PCDHA3: variants seen among roughly 807,000 people sequenced by gnomAD.
The protein encoded by PCDHA3 is protocadherin alpha 3.
A neutral mutation model predicts 62.2 loss-of-function variants in PCDHA3; 41 were observed. The observed-to-expected ratio is 0.66, with a 90% CI of 0.51 to 0.86. The LOEUF (loss-of-function observed/expected upper bound fraction) is 0.86. Ranked by LOEUF, PCDHA3 falls within the 40% of genes least tolerant of loss-of-function variation. The pLI is 0.00. For synonymous variants in PCDHA3, 640 were observed against 555.4 expected (o/e 1.15, Z -2.14); for missense variants, 1,304 against 1,241.2 (o/e 1.05, Z -0.76).
At chr5:140,876,042 AT>A in intron 1 of PCDHA3, 1 of 1,613,902 alleles carries the variant, frequency 6.2e-7, no homozygotes, top group Non-Finnish European at 8.5e-7. Flanking sequence ...ATAAAAGTAT[AT>A]TGCCTGAATT....
At chr5:140,817,727 G>A (rs1353806960) in intron 1 of PCDHA3, 3 of 151,996 alleles carry the variant, frequency 2.0e-5, no homozygotes, top group Non-Finnish European at 4.4e-5. Context: ...ACCTATATAT[G>A]TTTCTTTCTG....
At chr5:140,869,052 T>G in intron 1 of PCDHA3, 1 of 1,543,852 alleles carries the variant, frequency 6.5e-7, no homozygotes. Flanking sequence ...AACTGAAGAA[T>G]CTGGTACTGT....
At chr5:140,828,226 G>A (rs1554131112) in intron 1 of PCDHA3, 10 of 1,614,004 alleles carry the variant, frequency 6.2e-6, no homozygotes, top group Non-Finnish European at 5.1e-6. Context: ...GCACCTTCGT[G>A]GGCCGGATCG....
intron 1 of PCDHA3, chr5:140,823,390 G>C: frequency 1.9e-6 from 3 of 1,612,906 alleles, no homozygotes; most frequent in Non-Finnish European, 2.5e-6. Context: ...CGCGCGCGAC[G>C]CGGGCGTGCC....
intron 1 of PCDHA3, chr5:140,848,650 T>C (rs1343958164): frequency 6.3e-6 from 10 of 1,592,776 alleles, no homozygotes; most frequent in Non-Finnish European, 8.6e-6. Flanking sequence ...GCGCAGGACC[T>C]GGGGCTGGAG....
chr5:140,822,178 CAAG>C (rs2150114388), intron 1 of PCDHA3: 27 of 1,614,126 alleles, frequency 1.7e-5, no homozygotes, highest in Middle Eastern at 1.6e-4. Flanking sequence ...GTTCTCCAGA[CAAG>C]AACAAAGATT....
At chr5:140,870,142 C>T (rs782428763) in intron 1 of PCDHA3, 3 of 1,613,946 alleles carry the variant, frequency 1.9e-6, no homozygotes, top group South Asian at 1.1e-5. Flanking sequence ...CGATAACTCT[C>T]CTGAAGTCGC....
At chr5:140,868,908 CTTGGTG>C in intron 1 of PCDHA3, 1 of 882,188 alleles carries the variant, frequency 1.1e-6, no homozygotes, top group Non-Finnish European at 1.7e-6. Flanking sequence ...TCGCTCTTTA[CTTGGTG>C]GAAAGTTCAT....
chr5:140,959,408 A>C (rs1554224058), intron 1 of PCDHA3, among the ~76,000 whole-genome samples: 2 of 152,124 alleles, frequency 1.3e-5, no homozygotes, highest in Non-Finnish European at 1.5e-5. Context: ...TAAAGTGTTG[A>C]TTGATCTGAG....
intron 1 of PCDHA3, chr5:140,857,218 T>G: frequency 6.3e-7 from 1 of 1,598,468 alleles, no homozygotes. Context: ...CTCTGACGCC[T>G]CACGTTCCGT....
intron 1 of PCDHA3, chr5:140,927,857 G>A: frequency 6.2e-7 from 1 of 1,614,172 alleles, no homozygotes; most frequent in African/African-American, 1.3e-5. Context: ...GGTTTAGCTA[G>A]CACCGCTAAA....
At chr5:140,873,642 G>T (rs1217578025) in intron 1 of PCDHA3, among the ~76,000 whole-genome samples, 1 of 152,154 alleles carries the variant, frequency 6.6e-6, no homozygotes, top group Non-Finnish European at 1.5e-5. Flanking sequence ...GAGTATGTGA[G>T]AACTACATAA....
chr5:140,835,568 C>G lies in PCDHA3; in HGVS notation c.2394+31977C>G, dbSNP rs2150238425. ...GCTCCCTGACGCCCCGCGTTCCCTT[C>G]AAGTTGGTGTCCACCTTCAAGAATT... On this transcript the variant is annotated intron_variant, in intron 1 of 3. Coordinates refer to ENST00000522353, the MANE Select transcript of PCDHA3 (RefSeq NM_018906.3). 2.5e-6 allele frequency: 4 copies of G among 1,613,812 alleles called. No homozygotes were observed. The highest frequency in any genetic ancestry group is 3.4e-6 in the Non-Finnish European group (4 of 1,179,876).
chr5:140,809,116 G>C, intron 1 of PCDHA3: 4 of 1,613,978 alleles, frequency 2.5e-6, no homozygotes, highest in Non-Finnish European at 3.4e-6. Context: ...CGGACGCTCC[G>C]CGCCACCGCC....
intron 3 of PCDHA3, among the ~76,000 whole-genome samples, chr5:140,986,426 T>C (rs1405347449): frequency 1.3e-5 from 2 of 152,216 alleles, no homozygotes; most frequent in East Asian, 3.9e-4. Context: ...TTTAACTTCA[T>C]GAGTACTAAT....
intron 1 of PCDHA3, chr5:140,805,000 T>C: frequency 1.3e-6 from 2 of 1,533,732 alleles, no homozygotes; most frequent in Non-Finnish European, 1.7e-6. Context: ...TTTTAAAAAT[T>C]TAGTTCTGTT....
chr5:140,963,307 C>G (rs2095756240), intron 1 of PCDHA3, among the ~76,000 whole-genome samples: 1 of 152,062 alleles, frequency 6.6e-6, no homozygotes, highest in African/African-American at 2.4e-5. Context: ...AAATAAGAAG[C>G]TGTTTGTATT....
At chr5:140,993,459 TTCTCAC>T (rs2097559303) in intron 3 of PCDHA3, among the ~76,000 whole-genome samples, 1 of 83,038 alleles carries the variant, frequency 1.2e-5, no homozygotes, top group African/African-American at 4.6e-5. Context: ...CCTTCTTTCT[TTCTCAC>T]ACACACACAC....
intron 1 of PCDHA3, chr5:140,883,880 C>A: frequency 6.2e-7 from 1 of 1,613,304 alleles, no homozygotes. Context: ...GGTGAGCGCG[C>A]GCGACTCTGG....
Sources: allele counts gnomAD v4.1 joint callset (sites outside exome capture counted in the v4.1 genomes callset), GRCh38; gene constraint gnomAD v4.1.1; transcripts MANE v1.5; gene names NCBI Gene and HGNC (gene_info 2026-07-23, HGNC 2026-07-21).